Variants in RCOR1 observed in about 807,000 individuals in gnomAD.
RCOR1 encodes REST corepressor.
A neutral mutation model predicts 64.0 loss-of-function variants in RCOR1; 12 were observed. That is an observed-to-expected ratio of 0.19 (90% CI 0.12 to 0.30). RCOR1 has a LOEUF of 0.30. Among genes scored for constraint, RCOR1 ranks in the 10% least tolerant of loss-of-function variants. The pLI, the probability that RCOR1 is intolerant of heterozygous loss-of-function variation, is 1.00. For missense variants in RCOR1, 502 were observed against 621.2 expected, an observed-to-expected ratio of 0.81 and a Z score of 2.04; for synonymous variants, 279 against 227.2, an observed-to-expected ratio of 1.23 and a Z score of -2.05.
chr14:102,644,225 G>T (rs1207273235), intron 2 of RCOR1, among the ~76,000 whole-genome samples: 1 of 152,208 alleles, frequency 6.6e-6, no homozygotes, highest in Admixed American at 6.5e-5. Context: ...ACAAGAAAGT[G>T]CAGGCTTCCA....
intron 3 of RCOR1, among the ~76,000 whole-genome samples, chr14:102,691,291 A>G (rs200787967): frequency 6.9e-6 from 1 of 144,480 alleles, no homozygotes; most frequent in East Asian, 2.2e-4. Context: ...GGACCAATAA[A>G]TAAGACACTG....
At chr14:102,618,446 C>T (rs553617626) in intron 2 of RCOR1, among the ~76,000 whole-genome samples, 1 of 151,472 alleles carries the variant, frequency 6.6e-6, no homozygotes, top group Non-Finnish European at 1.5e-5. Flanking sequence ...ACCATGTCTT[C>T]AGGGGGAAAA....
At chr14:102,662,293 G>T in intron 2 of RCOR1, 1 of 547,938 alleles carries the variant, frequency 1.8e-6, no homozygotes, top group Non-Finnish European at 3.6e-6. Flanking sequence ...TCAGGAGCTA[G>T]TTGAACGTAT....
chr14:102,705,813 T>G (rs1269666141), intron 4 of RCOR1, among the ~76,000 whole-genome samples: 1 of 151,904 alleles, frequency 6.6e-6, no homozygotes, highest in Middle Eastern at 3.2e-3. Flanking sequence ...ATTTAAATCT[T>G]TCACTATAAA....
intron 2 of RCOR1, among the ~76,000 whole-genome samples, chr14:102,665,842 A>G (rs1334887592): frequency 1.3e-5 from 2 of 152,232 alleles, no homozygotes; most frequent in African/African-American, 4.8e-5. Flanking sequence ...TGGTTAGCCC[A>G]GTTACTGGCA....
intron 2 of RCOR1, chr14:102,643,351 A>G (rs1894412009): frequency 1.0e-6 from 1 of 970,064 alleles, no homozygotes; most frequent in Middle Eastern, 5.3e-4. Flanking sequence ...CAGGAAAGGA[A>G]GAAAGGTAAA....
chr14:102,593,249 T>C lies in RCOR1; in HGVS notation c.302-17T>C. The C allele has an allele frequency of 6.6e-7, 1 of 1,512,380 alleles. No homozygotes were observed. Among genetic ancestry groups the C allele is most frequent in the Non-Finnish European group, 8.8e-7 (1 of 1,134,936 alleles). 93.7% of individuals were successfully genotyped at this position (1,512,380 alleles called of 1,614,324 possible). On this transcript the variant is annotated splice_polypyrimidine_tract_variant and intron_variant, in intron 1 of 11. Coordinates refer to ENST00000262241, the MANE Select transcript of RCOR1 (RefSeq NM_015156.4). Reference sequence around the variant, plus strand: ...GCCCCGCGCCGCGCTGACCGCCGTATTCTGCTTCCCCCGCAGGTGGCGGTG... The same window carrying C: ...GCCCCGCGCCGCGCTGACCGCCGTACTCTGCTTCCCCCGCAGGTGGCGGTG...
chr14:102,687,625 A>G (rs928342390), intron 3 of RCOR1, among the ~76,000 whole-genome samples: 4 of 152,220 alleles, frequency 2.6e-5, no homozygotes, highest in African/African-American at 9.7e-5. Flanking sequence ...ACTTGATGAA[A>G]CCATGGCTTG....
Position 102,663,032 on chromosome 14 carries a change from G to T in RCOR1, c.362-18863G>T, listed in dbSNP as rs573308169. Among the ~76,000 whole-genome samples the T allele has an allele frequency of 2.6e-5, 4 of 152,264 alleles. No individual in the cohort carries two copies. In the East Asian group the frequency reaches 7.7e-4, roughly 29 times the overall value. The stretch of plus-strand genomic sequence containing the variant: ...CTCCTATAACTCCCACATATTGTAG[G>T]AGGGACCTGGTGGTAGATAATTGAA... On this transcript the variant is annotated intron_variant, in intron 2 of 11. Transcript: ENST00000262241.
Position 102,675,047 on chromosome 14 carries a change from C to CAAAA in RCOR1, c.362-6827_362-6824dup, listed in dbSNP as rs761294133. On this transcript the variant is annotated intron_variant, in intron 2 of 11. Coordinates refer to ENST00000262241, the MANE Select transcript of RCOR1 (RefSeq NM_015156.4). ...TGGGCGACAGAGCAAGACTCCACCT[C>CAAAA]AAAAAAAAAAAAAAAAAAAAAAAAG... Among the ~76,000 whole-genome samples the CAAAA allele has an allele frequency of 1.9e-3, 123 of 63,398 alleles. 4 individuals are homozygous for CAAAA. Among genetic ancestry groups the CAAAA allele is most frequent in the Middle Eastern group, 9.1e-3 (1 of 110 alleles). 41.6% of individuals were successfully genotyped at this position (63,398 alleles called of 152,430 possible). A position where few individuals can be genotyped will look rare whatever the true frequency, so the allele number is the denominator to read the frequency against.
intron 2 of RCOR1, among the ~76,000 whole-genome samples, chr14:102,627,849 TTCACCTTATTTGAAATA>T (rs1334811286): frequency 6.6e-6 from 1 of 152,158 alleles, no homozygotes. Context: ...GTTTGCAGTC[TTCACCTTATTTGAAATA>T]TCTAACCCAA....
intron 2 of RCOR1, among the ~76,000 whole-genome samples, chr14:102,596,844 CG>C (rs1280672414): frequency 6.1e-5 from 9 of 146,386 alleles, no homozygotes; most frequent in African/African-American, 1.8e-4. Context: ...GGATTACAGG[CG>C]TGAACCACTG....
chr14:102,652,772 T>C (rs1894617640), intron 2 of RCOR1, among the ~76,000 whole-genome samples: 1 of 152,126 alleles, frequency 6.6e-6, no homozygotes. Context: ...AACAAAAATA[T>C]TACTGTTGAT....
intron 2 of RCOR1, among the ~76,000 whole-genome samples, chr14:102,647,183 A>T (rs1894493756): frequency 6.6e-6 from 1 of 152,228 alleles, no homozygotes; most frequent in Admixed American, 6.5e-5. Flanking sequence ...GAACACTGAG[A>T]ATAGAGAAGA....
At chr14:102,698,752 C>A (rs1895694736) in intron 3 of RCOR1, among the ~76,000 whole-genome samples, 1 of 152,150 alleles carries the variant, frequency 6.6e-6, no homozygotes, top group South Asian at 2.1e-4. Context: ...CCAGTATGAA[C>A]CCCCATATTA....
At chr14:102,606,813 C>A (rs1893518416) in intron 2 of RCOR1, among the ~76,000 whole-genome samples, 2 of 150,658 alleles carry the variant, frequency 1.3e-5, no homozygotes, top group Non-Finnish European at 2.9e-5. Context: ...TAAGTATTAT[C>A]TAGTATAAAC....
At chr14:102,688,479 TTAGAGAAGAG>T (rs1201388200) in intron 3 of RCOR1, among the ~76,000 whole-genome samples, 2 of 152,176 alleles carry the variant, frequency 1.3e-5, no homozygotes, top group East Asian at 1.9e-4. Context: ...GTCCTGTGGT[TTAGAGAAGAG>T]TAGAGAAGAG....
intron 2 of RCOR1, among the ~76,000 whole-genome samples, chr14:102,675,350 C>T (rs1035801547): frequency 6.6e-6 from 1 of 152,086 alleles, no homozygotes; most frequent in Non-Finnish European, 1.5e-5. Context: ...TCTTCCTATG[C>T]ATACATACCT....
intron 7 of RCOR1, among the ~76,000 whole-genome samples, chr14:102,714,145 A>G (rs1896016125): frequency 6.6e-6 from 1 of 152,180 alleles, no homozygotes; most frequent in Non-Finnish European, 1.5e-5. Flanking sequence ...TTACTAGAGG[A>G]AGCTGAGAAT....
Sources: allele counts gnomAD v4.1 joint callset (sites outside exome capture counted in the v4.1 genomes callset), GRCh38; gene constraint gnomAD v4.1.1; transcripts MANE v1.5; gene names NCBI Gene and HGNC (gene_info 2026-07-23, HGNC 2026-07-21).